STRIP1: variants seen among roughly 807,000 people sequenced by gnomAD.
The protein encoded by STRIP1 is striatin-interacting protein 1.
Under a neutral mutation model 106.2 loss-of-function variants are expected in STRIP1, and 63 were observed. The observed-to-expected ratio is 0.59, with a 90% CI of 0.48 to 0.73. The LOEUF is 0.73. STRIP1 is among the 30% of genes least tolerant of loss of function. STRIP1 has a pLI of 0.00. For synonymous variants in STRIP1, 390 were observed against 413.0 expected (o/e 0.94, Z 0.67); for missense variants, 857 against 1,074.8 (o/e 0.80, Z 2.83).
chr1:110,032,039 A>C (rs117018560), upstream of STRIP1, among the ~76,000 whole-genome samples: 687 of 152,050 alleles, frequency 4.5e-3, 23 homozygotes, highest in Admixed American at 0.032. Flanking sequence ...TGGCCCCTCA[A>C]AGTTAGCCAT....
rs767775883 is a variant in STRIP1, at chr1:110,043,716, AGAG to A, written c.1150_1152del (p.Glu384del). On this transcript the variant is annotated inframe_deletion, in exon 10 of 21. Transcript: ENST00000369795. The stretch of plus-strand genomic sequence containing the variant: ...AGGCTGATGACTCTCGAGAAGAGGA[AGAG>A]GAGAATGATGATGACAACAGTCTGG... The A allele has an allele frequency of 6.2e-7, 1 of 1,614,194 alleles. No individual in the cohort carries two copies. Among genetic ancestry groups the A allele is most frequent in the Non-Finnish European group, 8.5e-7 (1 of 1,180,010 alleles).
upstream of STRIP1, among the ~76,000 whole-genome samples, chr1:110,032,282 AAATAGCAGTGTGGTGGT>A (rs1346918970): frequency 6.6e-6 from 1 of 152,202 alleles, no homozygotes; most frequent in Non-Finnish European, 1.5e-5. Flanking sequence ...AGGTAGGAGG[AAATAGCAGTGTGGTGGT>A]TTTGGATTAA....
At chr1:110,050,145 G>A (rs1233760096) in intron 17 of STRIP1, 198 bp from the exon 18 acceptor site, 5 of 577,390 alleles carry the variant, frequency 8.7e-6, no homozygotes, top group Non-Finnish European at 1.2e-5. Flanking sequence ...TGGCTACAGG[G>A]GTGCTTTACA....
In STRIP1 at chr1:110,047,845, C is replaced by G; in HGVS notation, c.1637C>G (p.Ala546Gly). ...KAKTDSINILADVLPEEMPTT... is the reference protein window; with the variant it reads ...KAKTDSINILGDVLPEEMPTT... The stretch of plus-strand genomic sequence containing the variant: ...AAAACAGACTCAATCAACATCCTAG[C>G]GGACGTCTTGCCTGAGGAGATGCCG... Residue 546 changes from alanine (A) to glycine (G), a missense_variant, in exon 15 of 21, where the codon GCG becomes GGG. Physicochemically the swap from Ala to Gly is moderately conservative, Grantham distance 60 (BLOSUM62 0). Around this residue, in one of 2 missense-constraint regions of STRIP1, gnomAD observed 750 missense variants for 989.8 expected, o/e 0.76. Transcript: ENST00000369795. 6.4e-7 allele frequency: 1 copy of G among 1,563,362 alleles called. No individual in the cohort carries two copies. Among genetic ancestry groups the G allele is most frequent in the Non-Finnish European group, 8.7e-7 (1 of 1,152,638 alleles).
At position 110,047,776 on chromosome 1, in the gene STRIP1, C is replaced by T; in HGVS notation, c.1568C>T (p.Ala523Val). The T allele has an allele frequency of 1.3e-6, 2 of 1,567,108 alleles. No homozygotes were observed. Among genetic ancestry groups the T allele is most frequent in the Non-Finnish European group, 1.7e-6 (2 of 1,154,730 alleles). The change falls in exon 15 of 21, where the codon GCC becomes GTC. Residue 523 changes from alanine (A) to valine (V), a missense_variant. Transcript: ENST00000369795. ...LLPSLPQYMI[A>V]LLKILLAAAP... ...TGAATGGTCTACTCTTCCCAGATTG[C>T]CCTCCTGAAGATCCTGTTGGCTGCA... is the stretch of plus-strand genomic sequence containing the variant.
At chr1:110,039,117 A>C (rs1052878646) in intron 3 of STRIP1, 55 bp from the exon 4 acceptor site, 1 of 1,604,990 alleles carries the variant, frequency 6.2e-7, no homozygotes, top group African/African-American at 1.3e-5. Flanking sequence ...ACATGGGTCC[A>C]TGCCATTGTG....
chr1:110,041,638 G>C lies in STRIP1; in HGVS notation c.753G>C (p.Glu251Asp). The part of the protein sequence containing the change: ...WRTMRQTFRA[E>D]LGSPLYNNEP... The stretch of plus-strand genomic sequence containing the variant: ...CCATGCGGCAGACCTTCAGAGCCGA[G>C]CTGGGTAGGACCCTGGGGATCCTCT... Residue 251 changes from glutamate to aspartate, a missense_variant, in exon 7 of 21, where the codon GAG becomes GAC. By Grantham distance (45) the Glu-to-Asp change is conservative. Coordinates refer to ENST00000369795, the MANE Select transcript of STRIP1 (RefSeq NM_033088.4). The C allele has an allele frequency of 6.2e-7, 1 of 1,614,150 alleles. No homozygotes were observed. Among genetic ancestry groups the C allele is most frequent in the South Asian group, 1.1e-5 (1 of 91,078 alleles).
rs1464304483 is a variant in STRIP1, at chr1:110,041,761, T to G, written c.785T>G (p.Phe262Cys). 7 of 1,614,038 alleles carry G rather than the reference T, an allele frequency of 4.3e-6. No individual in the cohort carries two copies. The highest frequency in any genetic ancestry group is 5.1e-6 in the Non-Finnish European group (6 of 1,180,038). Reference sequence around the variant, plus strand: ...TCCCCGCTGTACAACAATGAGCCATTTGCCATCATGCTGTTTGGGATGGTG... The same window carrying G: ...TCCCCGCTGTACAACAATGAGCCATGTGCCATCATGCTGTTTGGGATGGTG... ...LGSPLYNNEP[F>C]AIMLFGMVTK... Residue 262 changes from phenylalanine (F) to cysteine (C), a missense_variant, in exon 8 of 21, where the codon TTT (phenylalanine) becomes TGT (cysteine). Transcript: ENST00000369795.
chr1:110,035,290 G>A (rs1652394154), intron 1 of STRIP1, among the ~76,000 whole-genome samples: 1 of 152,202 alleles, frequency 6.6e-6, no homozygotes, highest in Non-Finnish European at 1.5e-5. Context: ...AGGCGCCGGC[G>A]AGGATCTGGA....
intron 5 of STRIP1, chr1:110,039,935 C>T: frequency 2.3e-6 from 3 of 1,286,502 alleles, no homozygotes; most frequent in Non-Finnish European, 3.0e-6. Flanking sequence ...GTCCAGTGGA[C>T]AGGTCAGCTG....
upstream of STRIP1, among the ~76,000 whole-genome samples, chr1:110,033,803 A>G (rs2101759289): frequency 6.6e-6 from 1 of 152,370 alleles, no homozygotes; most frequent in East Asian, 1.9e-4. Context: ...CACCCTCAAC[A>G]TCTTAGCACC....
At position 110,050,425 on chromosome 1, in the gene STRIP1, C is replaced by T; in HGVS notation, c.1956+16C>T. On this transcript the variant is annotated intron_variant, in intron 18 of 20. Transcript: ENST00000369795. ...GGAGAGTTTGGTGAGTGGCTGGGCTCTCCTCAGCTGTCCTTTTGGCACCAG... is the reference window on the plus strand; with the variant it reads ...GGAGAGTTTGGTGAGTGGCTGGGCTTTCCTCAGCTGTCCTTTTGGCACCAG... 1 of 1,613,618 alleles carries T rather than the reference C, an allele frequency of 6.2e-7. No individual in the cohort carries two copies. The highest frequency in any genetic ancestry group is 2.2e-5 in the East Asian group (1 of 44,864).
chr1:110,045,334 G>A (rs7545139), intron 12 of STRIP1: 275,256 of 457,050 alleles, frequency 0.6, 84,101 homozygotes, highest in East Asian at 0.82. Flanking sequence ...CCTGACCACC[G>A]GGCACCAAGG....
intron 17 of STRIP1, chr1:110,049,913 T>C: frequency 3.2e-6 from 1 of 310,814 alleles, no homozygotes; most frequent in Non-Finnish European, 6.0e-6. Context: ...TGTAATGCCC[T>C]ATCTGCTGAC....
chr1:110,045,462 G>T (rs2101777279), intron 12 of STRIP1: 1 of 143,860 alleles, frequency 7.0e-6, no homozygotes, highest in Non-Finnish European at 1.5e-5. Context: ...GGGCCACAGA[G>T]TGAGACCCGG....
rs760928670 is a variant in STRIP1 at position 110,050,352 on chromosome 1, C to G, written c.1899C>G (p.Val633=). The G allele has an allele frequency of 6.2e-7, 1 of 1,614,032 alleles. No individual in the cohort carries two copies. Among genetic ancestry groups the G allele is most frequent in the Non-Finnish European group, 8.5e-7 (1 of 1,180,020 alleles). ...SYITAKNSIS[V]LDYPHCVVHE... ...CCTCTCCCCTCTGCAGCATTTCTGT[C>G]CTGGATTACCCTCACTGCGTGGTGC... Residue 633 remains valine, a synonymous_variant, in exon 18 of 21, where the codon GTC becomes GTG. Transcript: ENST00000369795.
intron 9 of STRIP1, 27 bp from the exon 10 acceptor site, chr1:110,043,610 CTT>C: frequency 6.2e-7 from 1 of 1,600,258 alleles, no homozygotes; most frequent in Non-Finnish European, 8.5e-7. Context: ...TCAGTTGGCT[CTT>C]GTCTCATCTC....
Position 110,047,771 on chromosome 1 carries a change from G to C in STRIP1, c.1564-1G>C. On this transcript the variant is annotated splice_acceptor_variant, in intron 14 of 20. Transcript: ENST00000369795. LOFTEE classifies it high-confidence loss of function. ...GTGTCTGAATGGTCTACTCTTCCCA[G>C]ATTGCCCTCCTGAAGATCCTGTTGG... is the stretch of plus-strand genomic sequence containing the variant. 6.4e-7 allele frequency: 1 copy of C among 1,565,642 alleles called. No homozygotes were observed.
intron 2 of STRIP1, among the ~76,000 whole-genome samples, chr1:110,038,408 G>T (rs796581650): frequency 3.9e-5 from 6 of 152,304 alleles, no homozygotes; most frequent in African/African-American, 1.4e-4. Context: ...TTTGAGAGAT[G>T]CATCCCAGGT....
Sources: gnomAD v4.1 joint callset for allele counts (sites outside exome capture counted in the v4.1 genomes callset) on GRCh38, gnomAD v4.1.1 for gene constraint, gnomAD v4.1.1 regional missense constraint, MANE v1.5 for transcripts, NCBI Gene and HGNC (gene_info 2026-07-23, HGNC 2026-07-21) for gene names.